GRHL2: variants seen among roughly 807,000 people sequenced by gnomAD.
GRHL2 encodes grainyhead like transcription factor 2, also known as grainyhead-like protein 2 homolog.
In GRHL2, 21 loss-of-function variants were observed where a neutral mutation model predicts 83.8. The observed-to-expected ratio is 0.25, with a 90% CI of 0.18 to 0.36. The LOEUF is 0.36. Ranked by LOEUF, GRHL2 falls within the 10% of genes least tolerant of loss-of-function variation. GRHL2 has a pLI of 1.00. For missense variants in GRHL2, 623 were observed against 781.8 expected (o/e 0.80, Z 2.42); for synonymous variants, 280 against 278.9 (o/e 1.00, Z -0.04).
chr8:101,552,685 T>A, intron 2 of GRHL2, 30 bp from the exon 3 acceptor site: 4 of 1,610,876 alleles, frequency 2.5e-6, no homozygotes, highest in Non-Finnish European at 3.4e-6. Flanking sequence ...CCTCTGTGTA[T>A]GTCTGACTGA....
chr8:101,544,633 G>T (rs1003442421), intron 2 of GRHL2, among the ~76,000 whole-genome samples: 1 of 152,170 alleles, frequency 6.6e-6, no homozygotes, highest in Non-Finnish European at 1.5e-5. Context: ...CAAATGTGAG[G>T]ATGGCTGTGT....
chr8:101,539,925 C>G (rs979151681), intron 1 of GRHL2, among the ~76,000 whole-genome samples: 50 of 152,308 alleles, frequency 3.3e-4, no homozygotes, highest in Non-Finnish European at 2.8e-4. Flanking sequence ...GTGATATTCT[C>G]TCTCTCTGGC....
chr8:101,666,116 A>G lies in GRHL2; in HGVS notation c.1764-473A>G, dbSNP rs116881880. Among the ~76,000 whole-genome samples, 581 of 152,282 alleles carry G rather than the reference A, an allele frequency of 3.8e-3. 9 individuals are homozygous for G. The East Asian group carries it at 0.058, about 15-fold the overall frequency. ...CCTTCACAGTTGCTGTGAGAACTAA[A>G]CACAAGGTCATATTACATGCTCAAA... On this transcript the variant is annotated intron_variant, in intron 15 of 15. Transcript: ENST00000646743.
chr8:101,552,628 G>C (rs184800923), intron 2 of GRHL2, 87 bp from the exon 3 acceptor site: 10 of 1,260,098 alleles, frequency 7.9e-6, no homozygotes, highest in Non-Finnish European at 5.8e-6. Flanking sequence ...TTCCATTTTG[G>C]TTTCTTTGCT....
intron 1 of GRHL2, among the ~76,000 whole-genome samples, chr8:101,503,718 G>A (rs1241960407): frequency 6.6e-6 from 1 of 152,138 alleles, no homozygotes; most frequent in East Asian, 1.9e-4. Flanking sequence ...TCATGGTTTA[G>A]TGAGATGATG....
intron 2 of GRHL2, among the ~76,000 whole-genome samples, chr8:101,550,178 CTTTT>C (rs4002324): frequency 0.51 from 76,098 of 149,260 alleles, 20,851 homozygotes; most frequent in Non-Finnish European, 0.63. Context: ...ATATGCAGGT[CTTTT>C]TTTTTTTTAA....
chr8:101,669,697 A>AAAAAT lies in GRHL2; in HGVS notation c.*2997_*2998insATAAA, dbSNP rs1200168435. 8 of 152,096 alleles carry AAAAAT rather than the reference A, an allele frequency of 5.3e-5. No individual in the cohort carries two copies. Among genetic ancestry groups the AAAAAT allele is most frequent in the African/African-American group, 1.9e-4 (8 of 41,316 alleles). 9.4% of individuals were successfully genotyped at this position (152,096 alleles called of 1,614,324 possible). A position where few individuals can be genotyped will look rare whatever the true frequency, so the allele number is the denominator to read the frequency against. Reference sequence around the variant, plus strand: ...ATTTTTTGTACATTTTTAAGGAGAAAAAATAAATATTCATAACATAAGAGT... The same window carrying AAAAAT: ...ATTTTTTGTACATTTTTAAGGAGAAAAAAATAAATAAATATTCATAACATAAGAGT... On this transcript the variant is annotated 3_prime_UTR_variant, in exon 16 of 16. Coordinates refer to ENST00000646743, the MANE Select transcript of GRHL2 (RefSeq NM_024915.4).
At chr8:101,625,302 G>A (rs966297510) in intron 9 of GRHL2, among the ~76,000 whole-genome samples, 3 of 151,594 alleles carry the variant, frequency 2.0e-5, no homozygotes, top group African/African-American at 7.3e-5. Context: ...CAGGGATTAA[G>A]GATTCTCCTA....
chr8:101,514,932 CCTTTTTTCTT>C (rs145564095), intron 1 of GRHL2, among the ~76,000 whole-genome samples: 3,506 of 151,806 alleles, frequency 0.023, 57 homozygotes, highest in Non-Finnish European at 0.033. Context: ...TTCTTCTTCT[CCTTTTTTCTT>C]CTTCCTTTCC....
chr8:101,679,529 A>T, the GRHL2 span, among the ~76,000 whole-genome samples: 3 of 149,814 alleles, frequency 2.0e-5, no homozygotes, highest in Non-Finnish European at 4.5e-5. Context: ...GAACTTCCCC[A>T]ATCTAGCAAG....
intron 1 of GRHL2, among the ~76,000 whole-genome samples, chr8:101,522,445 G>T (rs569860233): frequency 1.3e-5 from 2 of 152,114 alleles, no homozygotes; most frequent in African/African-American, 2.4e-5. Flanking sequence ...TTTTATATAC[G>T]ACACTTGAGC....
chr8:101,651,922 C>G (rs1469647628), intron 14 of GRHL2, among the ~76,000 whole-genome samples: 3 of 152,150 alleles, frequency 2.0e-5, no homozygotes, highest in African/African-American at 7.2e-5. Flanking sequence ...GAAAGCTGTG[C>G]AAGAGAAGTT....
intron 11 of GRHL2, 96 bp from the exon 12 acceptor site, chr8:101,636,801 G>A: frequency 3.9e-6 from 4 of 1,031,546 alleles, no homozygotes; most frequent in Non-Finnish European, 6.2e-6. Flanking sequence ...GCCTTTTTAA[G>A]AGACAGTTTA....
At chr8:101,566,747 G>T (rs1053510851) in intron 4 of GRHL2, among the ~76,000 whole-genome samples, 1 of 151,754 alleles carries the variant, frequency 6.6e-6, no homozygotes, top group Admixed American at 6.6e-5. Flanking sequence ...GGAACATTAA[G>T]GTTGACTGCC....
At chr8:101,657,276 G>A (rs937824891) in intron 14 of GRHL2, among the ~76,000 whole-genome samples, 1 of 152,154 alleles carries the variant, frequency 6.6e-6, no homozygotes, top group Non-Finnish European at 1.5e-5. Flanking sequence ...TCTGTTGTAT[G>A]CCTCTGGAGA....
At chr8:101,498,301 A>G (rs1810150083) in intron 1 of GRHL2, among the ~76,000 whole-genome samples, 1 of 151,850 alleles carries the variant, frequency 6.6e-6, no homozygotes, top group African/African-American at 2.4e-5. Context: ...TGTATTTTTA[A>G]TAGAGATGGG....
At chr8:101,576,466 C>G (rs531893270) in intron 6 of GRHL2, among the ~76,000 whole-genome samples, 1 of 152,110 alleles carries the variant, frequency 6.6e-6, no homozygotes, top group African/African-American at 2.4e-5. Flanking sequence ...GAGATCTTCC[C>G]CCCTCAGTTT....
intron 7 of GRHL2, among the ~76,000 whole-genome samples, chr8:101,597,670 G>A (rs1442399073): frequency 6.7e-6 from 1 of 148,722 alleles, no homozygotes; most frequent in African/African-American, 2.5e-5. Context: ...TCACACATCC[G>A]GGTCTGTTGT....
At chr8:101,580,505 T>C (rs559301045) in intron 7 of GRHL2, among the ~76,000 whole-genome samples, 1 of 143,558 alleles carries the variant, frequency 7.0e-6, no homozygotes, top group South Asian at 2.5e-4. Context: ...TCTGCCTGCC[T>C]CGGCCTCCCA....
Sources: gnomAD v4.1 joint callset for allele counts (sites outside exome capture counted in the v4.1 genomes callset) on GRCh38, gnomAD v4.1.1 for gene constraint, MANE v1.5 for transcripts, NCBI Gene and HGNC (gene_info 2026-07-23, HGNC 2026-07-21) for gene names.